Variants in DGKK observed in about 807,000 individuals in gnomAD.
The protein encoded by DGKK is 142 kDa diacylglycerol kinase.
In DGKK, 35 loss-of-function variants were observed where a neutral mutation model predicts 92.2. That is an observed-to-expected ratio of 0.38 (90% CI 0.29 to 0.50). DGKK has a LOEUF of 0.50. Among genes scored for constraint, DGKK ranks in the 20% least tolerant of loss-of-function variants. The pLI, the probability that DGKK is intolerant of heterozygous loss-of-function variation, is 0.92. For missense variants in DGKK, 910 were observed against 992.2 expected (o/e 0.92, Z 1.11); for synonymous variants, 368 against 360.6 (o/e 1.02, Z -0.23).
chrX:50,409,106 T>C, intron 4 of DGKK, among the ~76,000 whole-genome samples: 1 of 111,357 alleles, frequency 9.0e-6, no homozygotes, highest in Admixed American at 9.5e-5. Context: ...CATACTATAT[T>C]ATGGTGGGCC....
At chrX:50,415,375 C>T (rs1159039056) in intron 4 of DGKK, among the ~76,000 whole-genome samples, 1 of 111,712 alleles carries the variant, frequency 9.0e-6, no homozygotes, top group Admixed American at 9.5e-5. Flanking sequence ...ACACAAAGTA[C>T]AATATCTCCC....
intron 4 of DGKK, among the ~76,000 whole-genome samples, chrX:50,407,874 G>A (rs1246706203): frequency 8.9e-6 from 1 of 112,516 alleles, no homozygotes; most frequent in Admixed American, 9.3e-5. Flanking sequence ...GCAGAACACT[G>A]TCAGATTGGA....
chrX:50,399,445 C>A (rs2147127692), intron 8 of DGKK, among the ~76,000 whole-genome samples: 1 of 112,211 alleles, frequency 8.9e-6, no homozygotes, highest in East Asian at 2.8e-4. Context: ...AAGTGAGCAA[C>A]TAGCATCTAT....
rs782370550 is a variant in DGKK at position 50,378,512 on chromosome X, T to C, written c.2976+66A>G. On this transcript the variant is annotated intron_variant, in intron 21 of 27. Transcript: ENST00000611977. ...TCTACCCAGTTAATTCCTGGGACTA[T>C]CCCACATCCTGGGTAGCAGTCAAAA... 366 of 964,700 alleles carry C rather than the reference T, an allele frequency of 3.8e-4. 1 individual carries two copies. The South Asian group carries it at 7.5e-3, about 20-fold the overall frequency. The allele number at this position is 964,700 out of a possible 1,213,427, so 79.5% of individuals were successfully genotyped here. A position where few individuals can be genotyped will look rare whatever the true frequency, so the allele number is the denominator to read the frequency against.
intron 8 of DGKK, 44 bp from the exon 9 acceptor site, chrX:50,393,379 G>T (rs782806223): frequency 9.4e-7 from 1 of 1,066,838 alleles, no homozygotes; most frequent in Non-Finnish European, 1.3e-6. Flanking sequence ...GAACGGACCC[G>T]TTGAGATGGA....
chrX:50,435,835 G>A (rs1557230715), intron 1 of DGKK, among the ~76,000 whole-genome samples: 21 of 111,656 alleles, frequency 1.9e-4, no homozygotes, highest in Non-Finnish European at 1.9e-5. Flanking sequence ...GAGAGCAGGA[G>A]GAAAGTGTCA....
At chrX:50,374,891 G>A in intron 25 of DGKK, 80 bp downstream of exon 25, 1 of 901,606 alleles carries the variant, frequency 1.1e-6, no homozygotes, top group Non-Finnish European at 1.6e-6. Context: ...GGTCTCCAGT[G>A]CCCTTGGACC....
At position 50,391,507 on chromosome X, in the gene DGKK, A is replaced by G. The variant is rs1557225536; in HGVS notation, c.1774T>C (p.Trp592Arg). ...LARVLGWGAF[W>R]NKSKSPLDIL... Reference sequence around the variant, plus strand: ...TCCAGAGGTGACTTGCTTTTGTTCCAGAATGCACCCCAGCCCAGAACACGA... The same window carrying G: ...TCCAGAGGTGACTTGCTTTTGTTCCGGAATGCACCCCAGCCCAGAACACGA... Residue 592 changes from tryptophan (W) to arginine (R), a missense_variant, in exon 11 of 28, where the codon TGG becomes CGG. Physicochemically the swap from Trp to Arg is moderately radical, Grantham distance 101. Coordinates refer to ENST00000611977, the MANE Select transcript of DGKK (RefSeq NM_001013742.4). 7 of 1,211,451 alleles carry G rather than the reference A, an allele frequency of 5.8e-6. No homozygotes were observed. The highest frequency in any genetic ancestry group is 7.8e-6 in the Non-Finnish European group (7 of 895,231).
At chrX:50,430,070 T>C (rs1925848889) in intron 1 of DGKK, among the ~76,000 whole-genome samples, 2 of 112,559 alleles carry the variant, frequency 1.8e-5, no homozygotes, top group Admixed American at 1.9e-4. Flanking sequence ...ATGTTTGTTT[T>C]GCAGTTTTGA....
At chrX:50,456,153 C>G (rs1472508208) in intron 1 of DGKK, among the ~76,000 whole-genome samples, 2 of 111,887 alleles carry the variant, frequency 1.8e-5, no homozygotes, top group East Asian at 5.7e-4. Flanking sequence ...GTTTCCTGCT[C>G]TCTGATTGGA....
chrX:50,370,742 C>T (rs1924102609), intron 26 of DGKK, among the ~76,000 whole-genome samples, 193 bp from the exon 27 acceptor site: 1 of 112,010 alleles, frequency 8.9e-6, no homozygotes, highest in Non-Finnish European at 1.9e-5. Context: ...CAAGAGGCTA[C>T]TTGATGCCAG....
intron 24 of DGKK, among the ~76,000 whole-genome samples, chrX:50,375,799 G>A (rs1242012225): frequency 5.4e-5 from 6 of 111,517 alleles, no homozygotes; most frequent in African/African-American, 1.6e-4. Flanking sequence ...TATCAGGGAA[G>A]AGGGCTAGCT....
intron 1 of DGKK, among the ~76,000 whole-genome samples, chrX:50,428,195 AATTATTATT>A (rs10665078): frequency 9.5e-6 from 1 of 105,363 alleles, no homozygotes. Context: ...TCCAATAATA[AATTATTATT>A]ATTATTATTA....
intron 8 of DGKK, among the ~76,000 whole-genome samples, chrX:50,393,698 G>C (rs967286884): frequency 8.9e-6 from 1 of 111,937 alleles, no homozygotes; most frequent in Non-Finnish European, 1.9e-5. Context: ...TAGTAAAACT[G>C]TGAGGAAACT....
At chrX:50,417,746 C>T (rs917043443) in intron 4 of DGKK, among the ~76,000 whole-genome samples, 12 of 110,596 alleles carry the variant, frequency 1.1e-4, no homozygotes, top group African/African-American at 4.0e-4. Flanking sequence ...GAACTTCTGG[C>T]CTCTAGTTTT....
chrX:50,413,548 T>G (rs111721323), intron 4 of DGKK, among the ~76,000 whole-genome samples: 4,202 of 112,021 alleles, frequency 0.038, 189 homozygotes, highest in African/African-American at 0.13. Flanking sequence ...GCAAGAGACC[T>G]GAACAGATAT....
At chrX:50,377,979 C>G in intron 22 of DGKK, 119 bp downstream of exon 22, 2 of 904,353 alleles carry the variant, frequency 2.2e-6, no homozygotes, top group South Asian at 5.2e-5. Context: ...TCAAGTGACT[C>G]TGATGCCAGG....
Position 50,403,328 on chromosome X carries a change from C to T in DGKK, c.1186-145G>A, listed in dbSNP as rs149027065. ...CCCTCCCTACTCCAATGCAAGTGAA[C>T]AATGACAAGTGGAGGAGGGAGGTTC... On this transcript the variant is annotated intron_variant, in intron 6 of 27. Coordinates refer to ENST00000611977, the MANE Select transcript of DGKK (RefSeq NM_001013742.4). 8 of 894,027 alleles carry T rather than the reference C, an allele frequency of 8.9e-6. No individual in the cohort carries two copies. In the African/African-American group the frequency reaches 1.4e-4, roughly 16 times the overall value. The allele number at this position is 894,027 out of a possible 1,213,427, so 73.7% of individuals were successfully genotyped here. A position where few individuals can be genotyped will look rare whatever the true frequency, so the allele number is the denominator to read the frequency against.
At chrX:50,457,020 A>G (rs1926627401) in intron 1 of DGKK, among the ~76,000 whole-genome samples, 2 of 111,944 alleles carry the variant, frequency 1.8e-5, no homozygotes, top group South Asian at 3.8e-4. Context: ...CCCATATTGC[A>G]CCACCATCTA....
Sources: gnomAD v4.1 joint callset for allele counts (sites outside exome capture counted in the v4.1 genomes callset) on GRCh38, gnomAD v4.1.1 for gene constraint, MANE v1.5 for transcripts, NCBI Gene and HGNC (gene_info 2026-07-23, HGNC 2026-07-21) for gene names.